PDZRN4: variants seen among roughly 807,000 people sequenced by gnomAD.
PDZRN4 encodes PDZ domain containing ring finger 4.
PDZRN4 carries 70 observed loss-of-function variants against 99.0 expected under a neutral mutation model. The ratio of observed to expected loss-of-function variants is 0.71; its 90% confidence interval spans 0.58 to 0.86. The LOEUF is 0.86. Among genes scored for constraint, PDZRN4 ranks in the 40% least tolerant of loss-of-function variants. The pLI is 0.00. For synonymous variants in PDZRN4, 551 were observed against 501.6 expected (o/e 1.10, Z -1.32); for missense variants, 1,474 against 1,331.2 (o/e 1.11, Z -1.67).
Position 41,262,852 on chromosome 12 carries a change from C to T in PDZRN4, c.843+68664C>T, listed in dbSNP as rs954893532. 2.0e-5 allele frequency among the ~76,000 whole-genome samples: 3 copies of T among 151,818 alleles called. No homozygotes were observed. In the East Asian group the frequency reaches 5.8e-4, roughly 29 times the overall value. ...TCACTAGAGCAAGATAAGATGTCGG[C>T]GTTTCTAGAATTCAATTGAAGACAA... On this transcript the variant is annotated intron_variant, in intron 3 of 9. Transcript: ENST00000402685.
intron 5 of PDZRN4, among the ~76,000 whole-genome samples, chr12:41,532,297 A>G (rs895609912): frequency 1.3e-5 from 2 of 152,198 alleles, no homozygotes; most frequent in Admixed American, 6.5e-5. Context: ...ACTCTGTGTC[A>G]TACTACACTG....
intron 3 of PDZRN4, among the ~76,000 whole-genome samples, chr12:41,207,223 T>C (rs1950857256): frequency 6.6e-6 from 1 of 151,748 alleles, no homozygotes; most frequent in African/African-American, 2.4e-5. Context: ...TTTTTTTGGA[T>C]CCAAATTAAA....
At chr12:41,378,668 G>T (rs1379812227) in intron 3 of PDZRN4, among the ~76,000 whole-genome samples, 1 of 151,874 alleles carries the variant, frequency 6.6e-6, no homozygotes, top group African/African-American at 2.4e-5. Context: ...GATTACAGGT[G>T]CATGCCACCA....
chr12:41,486,216 C>A (rs1456869994), intron 3 of PDZRN4, among the ~76,000 whole-genome samples: 1 of 151,878 alleles, frequency 6.6e-6, no homozygotes, highest in African/African-American at 2.4e-5. Context: ...AAATCTAACA[C>A]TGAAAAAAAT....
At chr12:41,314,190 A>G (rs1457115454) in intron 3 of PDZRN4, among the ~76,000 whole-genome samples, 1 of 152,100 alleles carries the variant, frequency 6.6e-6, no homozygotes, top group African/African-American at 2.4e-5. Context: ...TTTTCTCAAT[A>G]CCCTCCTCTT....
chr12:41,426,364 G>A (rs1952536557), intron 3 of PDZRN4, among the ~76,000 whole-genome samples: 2 of 152,102 alleles, frequency 1.3e-5, no homozygotes, highest in Admixed American at 1.3e-4. Flanking sequence ...ACATCCCATA[G>A]GTAGGACATG....
At chr12:41,226,556 A>G (rs1950996406) in intron 3 of PDZRN4, among the ~76,000 whole-genome samples, 1 of 152,094 alleles carries the variant, frequency 6.6e-6, no homozygotes, top group Non-Finnish European at 1.5e-5. Context: ...AATCTTAAAA[A>G]AAAAAAATGA....
Position 41,418,148 on chromosome 12 carries a change from G to A in PDZRN4, c.844-88308G>A, listed in dbSNP as rs554226244. Among the ~76,000 whole-genome samples the A allele has an allele frequency of 5.9e-5, 9 of 152,152 alleles. No individual in the cohort carries two copies. The South Asian group carries it at 1.9e-3, about 32-fold the overall frequency. On this transcript the variant is annotated intron_variant, in intron 3 of 9. Coordinates refer to ENST00000402685, the MANE Select transcript of PDZRN4 (RefSeq NM_001164595.2). ...TTCTGCAGCAGATTATCATTTATTT[G>A]AATTTATAACTGACATTGACAAACA...
chr12:41,245,882 G>A (rs752704986), intron 3 of PDZRN4, among the ~76,000 whole-genome samples: 6 of 152,178 alleles, frequency 3.9e-5, no homozygotes, highest in Non-Finnish European at 8.8e-5. Flanking sequence ...AACAATGCCT[G>A]GGCTACAAAT....
intron 5 of PDZRN4, among the ~76,000 whole-genome samples, chr12:41,548,710 G>A (rs1364190231): frequency 2.6e-5 from 4 of 152,030 alleles, no homozygotes; most frequent in Admixed American, 6.6e-5. Flanking sequence ...GTCAACTCTT[G>A]TTTCTTTCCC....
At chr12:41,435,717 G>A (rs1346708405) in intron 3 of PDZRN4, among the ~76,000 whole-genome samples, 1 of 152,140 alleles carries the variant, frequency 6.6e-6, no homozygotes, top group Non-Finnish European at 1.5e-5. Context: ...GAACCTGGGA[G>A]GCAGAGGTTC....
rs117971547 is a variant in PDZRN4, at chr12:41,559,320, G to T, written c.1365+3560G>T. On this transcript the variant is annotated intron_variant, in intron 7 of 9. Transcript: ENST00000402685. ...CCTGTGTTTTTAGTCTGCAAGGAAA[G>T]TTCTTCCTTTTCATTCCTTCACAGT... 9.2e-5 allele frequency among the ~76,000 whole-genome samples: 14 copies of T among 152,304 alleles called. No homozygotes were observed. In the East Asian group the frequency reaches 2.3e-3, roughly 25 times the overall value.
intron 3 of PDZRN4, among the ~76,000 whole-genome samples, chr12:41,227,883 A>G (rs1951004667): frequency 3.8e-5 from 2 of 52,336 alleles, no homozygotes; most frequent in African/African-American, 8.3e-5. Flanking sequence ...ATCTACACAC[A>G]CACACACACA....
chr12:41,230,804 T>A (rs551562566), intron 3 of PDZRN4, among the ~76,000 whole-genome samples: 2 of 152,244 alleles, frequency 1.3e-5, no homozygotes, highest in East Asian at 3.9e-4. Flanking sequence ...CATTTCCAAC[T>A]CTTATACTTG....
intron 3 of PDZRN4, among the ~76,000 whole-genome samples, chr12:41,202,152 A>G (rs957286757): frequency 1.5e-4 from 23 of 152,134 alleles, no homozygotes; most frequent in Non-Finnish European, 3.2e-4. Context: ...TGAAAAGACC[A>G]AAAGAGCTGG....
At chr12:41,484,436 C>G (rs985062039) in intron 3 of PDZRN4, among the ~76,000 whole-genome samples, 1 of 152,106 alleles carries the variant, frequency 6.6e-6, no homozygotes, top group Non-Finnish European at 1.5e-5. Flanking sequence ...CCTGACTGTT[C>G]CTGAGCTAGC....
chr12:41,572,377 A>G lies in PDZRN4; in HGVS notation c.1598A>G (p.Glu533Gly). 1 of 1,594,676 alleles carries G rather than the reference A, an allele frequency of 6.3e-7. No homozygotes were observed. Among genetic ancestry groups the G allele is most frequent in the South Asian group, 1.1e-5 (1 of 88,880 alleles). The change falls in exon 10 of 10, where the codon GAA becomes GGA. Residue 533 changes from glutamate to glycine, a missense_variant. Glu to Gly is a moderately conservative substitution (Grantham distance 98). Coordinates refer to ENST00000402685, the MANE Select transcript of PDZRN4 (RefSeq NM_001164595.2). ...ANEVEQPKKQ[E>G]EEEGTTDTAT... ...TCATTTTCTTAGCCAAAAAAGCAAGAAGAAGAAGAAGGCACAACAGACACT... is the reference window on the plus strand; with the variant it reads ...TCATTTTCTTAGCCAAAAAAGCAAGGAGAAGAAGAAGGCACAACAGACACT...
chr12:41,571,140 T>C (rs983610791), intron 9 of PDZRN4, among the ~76,000 whole-genome samples: 8 of 152,138 alleles, frequency 5.3e-5, no homozygotes, highest in Admixed American at 5.2e-4. Flanking sequence ...TACCTATCTA[T>C]CTATCTATAT....
At chr12:41,439,719 A>G (rs1278094373) in intron 3 of PDZRN4, among the ~76,000 whole-genome samples, 4 of 152,100 alleles carry the variant, frequency 2.6e-5, no homozygotes. Context: ...GTACTCCTCC[A>G]TATATTTATT....
Sources: gnomAD v4.1 joint callset for allele counts (sites outside exome capture counted in the v4.1 genomes callset) on GRCh38, gnomAD v4.1.1 for gene constraint, MANE v1.5 for transcripts, NCBI Gene and HGNC (gene_info 2026-07-23, HGNC 2026-07-21) for gene names.